CWH43: variants seen among roughly 807,000 people sequenced by gnomAD.
The protein encoded by CWH43 is PGAP2-interacting protein.
CWH43 carries 91 observed loss-of-function variants against 85.7 expected under a neutral mutation model. The observed-to-expected ratio is 1.06, with a 90% confidence interval of 0.90 to 1.26. The LOEUF (loss-of-function observed/expected upper bound fraction) is 1.26. CWH43 is among the 50% of genes most tolerant of loss of function. The pLI is 0.00. For synonymous variants in CWH43, 323 were observed against 293.6 expected (o/e 1.10, Z -1.02); for missense variants, 869 against 839.2 (o/e 1.04, Z -0.44).
At chr4:48,999,666 G>A (rs535028903) in intron 6 of CWH43, among the ~76,000 whole-genome samples, 14 of 152,308 alleles carry the variant, frequency 9.2e-5, no homozygotes, top group Middle Eastern at 3.4e-3. Flanking sequence ...GGCTGTGCAT[G>A]GCCATGTTGC....
At chr4:49,052,204 T>C (rs1784821945) in intron 15 of CWH43, among the ~76,000 whole-genome samples, 1 of 152,114 alleles carries the variant, frequency 6.6e-6, no homozygotes, top group Non-Finnish European at 1.5e-5. Flanking sequence ...ATTCCTGTAT[T>C]GATCTTGCCC....
chr4:48,993,590 T>C (rs1313080056), intron 4 of CWH43, among the ~76,000 whole-genome samples: 2 of 152,212 alleles, frequency 1.3e-5, no homozygotes, highest in Non-Finnish European at 2.9e-5. Flanking sequence ...CCTGCTGGCA[T>C]CTTCTCCAGT....
chr4:49,020,047 C>A (rs2109788814), intron 9 of CWH43, among the ~76,000 whole-genome samples: 1 of 151,940 alleles, frequency 6.6e-6, no homozygotes, highest in Non-Finnish European at 1.5e-5. Context: ...GGAATGGGTG[C>A]TGTTTGGTTA....
At chr4:49,039,431 T>A (rs1274767464) in intron 13 of CWH43, among the ~76,000 whole-genome samples, 3 of 124,156 alleles carry the variant, frequency 2.4e-5, no homozygotes, top group African/African-American at 3.0e-5. Context: ...ATATATACAC[T>A]TATATATATA....
chr4:49,056,712 G>T (rs1251552040), intron 15 of CWH43, among the ~76,000 whole-genome samples: 2 of 150,672 alleles, frequency 1.3e-5, no homozygotes, highest in Non-Finnish European at 3.0e-5. Context: ...TTCAGGCTTT[G>T]TTCTTTTTCT....
chr4:49,031,017 G>T (rs1784080221), intron 11 of CWH43, 57 bp downstream of exon 11: 4 of 1,438,848 alleles, frequency 2.8e-6, no homozygotes, highest in Admixed American at 2.5e-5. Context: ...AGGCTGCATA[G>T]GCTTGGAGTG....
rs1267549692 is a variant in CWH43, at chr4:49,032,761, G to A, written c.1658+46G>A. ...TAATATTACACAAATGCCAAGAAAT[G>A]TTATTAACAATGTACTTTGATTTCT... On this transcript the variant is annotated intron_variant, in intron 12 of 15. Transcript: ENST00000226432. The A allele has an allele frequency of 5.6e-6, 9 of 1,598,532 alleles. No individual in the cohort carries two copies. The East Asian group carries it at 9.0e-5, about 16-fold the overall frequency.
Position 49,003,935 on chromosome 4 carries a change from G to A in CWH43, c.1003G>A (p.Ala335Thr), listed in dbSNP as rs1164954931. Reference protein sequence around the residue: ...LEIFFCAWCTAFKFVPGGVYA... With the variant: ...LEIFFCAWCTTFKFVPGGVYA... Reference sequence around the variant, plus strand: ...AATATTTTTCTGTGCCTGGTGCACAGCTTTTAAGTTTGTCCCAGGAGGTGT... The same window carrying A: ...AATATTTTTCTGTGCCTGGTGCACAACTTTTAAGTTTGTCCCAGGAGGTGT... The change falls in exon 7 of 16, where the codon GCT (alanine) becomes ACT (threonine). Residue 335 changes from alanine (A) to threonine (T), a missense_variant. Ala to Thr is a moderately conservative substitution (Grantham distance 58). Coordinates refer to ENST00000226432, the MANE Select transcript of CWH43 (RefSeq NM_025087.3). 4 of 1,613,684 alleles carry A rather than the reference G, an allele frequency of 2.5e-6. No homozygotes were observed. The highest frequency in any genetic ancestry group is 3.4e-6 in the Non-Finnish European group (4 of 1,179,866).
intron 12 of CWH43, among the ~76,000 whole-genome samples, chr4:49,035,086 A>AAAATCCTTGACTGTGG (rs1784225908): frequency 6.6e-6 from 1 of 152,216 alleles, no homozygotes; most frequent in African/African-American, 2.4e-5. Flanking sequence ...AACAAGCGAC[A>AAAATCCTTGACTGTGG]TAGGAAAGTT....
In CWH43 at chr4:49,032,618, C is replaced by T. The variant is rs1187355524; in HGVS notation, c.1561C>T (p.Pro521Ser). 6.2e-7 allele frequency: 1 copy of T among 1,614,096 alleles called. No homozygotes were observed. The part of the protein sequence containing the change: ...PIVKSEHHLL[P>S]SPEGEIAPAI... ...TGTGAAATCTGAGCATCACCTTCTT[C>T]CGTCACCAGAGGGCGAGATCGCACC... The change falls in exon 12 of 16, where the codon CCG (proline) becomes TCG (serine). Residue 521 changes from proline to serine, a missense_variant. Transcript: ENST00000226432.
At chr4:49,015,373 G>A (rs747321487) in intron 8 of CWH43, among the ~76,000 whole-genome samples, 1 of 151,678 alleles carries the variant, frequency 6.6e-6, no homozygotes, top group Non-Finnish European at 1.5e-5. Context: ...GCACATTGAA[G>A]ATATTATTCT....
chr4:49,045,714 C>T (rs1784602016), intron 14 of CWH43, among the ~76,000 whole-genome samples: 2 of 151,772 alleles, frequency 1.3e-5, no homozygotes, highest in South Asian at 4.2e-4. Context: ...ACATTTCTTT[C>T]TTTTTTTTAA....
At chr4:49,032,291 G>GT (rs1299333969) in intron 11 of CWH43, among the ~76,000 whole-genome samples, 7 of 152,190 alleles carry the variant, frequency 4.6e-5, no homozygotes, top group Admixed American at 6.5e-5. Flanking sequence ...AATACAATGG[G>GT]TTTTTTGTAT....
chr4:49,010,479 G>GT (rs1783321039), intron 8 of CWH43, among the ~76,000 whole-genome samples: 1 of 151,752 alleles, frequency 6.6e-6, no homozygotes, highest in African/African-American at 2.4e-5. Flanking sequence ...ATCTCCTTTC[G>GT]TTCTGCTCTG....
At chr4:49,058,460 A>G (rs1198172585) in intron 15 of CWH43, among the ~76,000 whole-genome samples, 1 of 152,146 alleles carries the variant, frequency 6.6e-6, no homozygotes, top group Non-Finnish European at 1.5e-5. Context: ...AGTTATTTTA[A>G]TATTTATCTT....
intron 15 of CWH43, among the ~76,000 whole-genome samples, chr4:49,060,929 C>T (rs530012808): frequency 5.3e-5 from 8 of 152,196 alleles, no homozygotes; most frequent in African/African-American, 1.7e-4. Context: ...TGTTTTTGTT[C>T]TATTTGCTAA....
chr4:48,993,898 G>A (rs146748443), intron 4 of CWH43, among the ~76,000 whole-genome samples: 5 of 152,164 alleles, frequency 3.3e-5, no homozygotes, highest in South Asian at 2.1e-4. Flanking sequence ...GGGATTACAG[G>A]CGTCTGCCAC....
chr4:49,041,907 C>T (rs1251661494), intron 13 of CWH43, among the ~76,000 whole-genome samples: 2 of 152,158 alleles, frequency 1.3e-5, no homozygotes, highest in Admixed American at 1.3e-4. Flanking sequence ...AATGGCCATA[C>T]TTTGCTGTAC....
intron 4 of CWH43, among the ~76,000 whole-genome samples, chr4:48,994,329 T>C (rs1428704676): frequency 1.3e-5 from 2 of 152,212 alleles, no homozygotes; most frequent in African/African-American, 4.8e-5. Context: ...TTTTCTGCAA[T>C]GCGTTAGCTT....
Sources: allele counts gnomAD v4.1 joint callset (sites outside exome capture counted in the v4.1 genomes callset), GRCh38; gene constraint gnomAD v4.1.1; transcripts MANE v1.5; gene names NCBI Gene and HGNC (gene_info 2026-07-23, HGNC 2026-07-21).